FILIP1: variants seen among roughly 807,000 people sequenced by gnomAD.
FILIP1 encodes the protein filamin-A-interacting protein 1.
FILIP1 carries 61 observed loss-of-function variants against 102.1 expected under a neutral mutation model. That is an observed-to-expected ratio of 0.60 (90% CI 0.49 to 0.74). The LOEUF (loss-of-function observed/expected upper bound fraction) is 0.74, where lower values mean the gene tolerates loss of function less well. Among genes scored for constraint, FILIP1 ranks in the 30% least tolerant of loss-of-function variants. The pLI is 0.00. For missense variants in FILIP1, 1,314 were observed against 1,441.2 expected (o/e 0.91, Z 1.43); for synonymous variants, 491 against 526.9 (o/e 0.93, Z 0.93).
At chr6:75,342,043 T>C (rs1774435995) in intron 4 of FILIP1, among the ~76,000 whole-genome samples, 1 of 152,240 alleles carries the variant, frequency 6.6e-6, no homozygotes, top group Non-Finnish European at 1.5e-5. Flanking sequence ...CTCCATTCTA[T>C]TTAAGAGGAA....
At position 75,380,177 on chromosome 6, in the gene FILIP1, T is replaced by C. The variant is rs567533310; in HGVS notation, c.277-17260A>G. Among the ~76,000 whole-genome samples the C allele has an allele frequency of 7.4e-5, 11 of 147,938 alleles. No individual in the cohort carries two copies. The East Asian group carries it at 1.8e-3, about 24-fold the overall frequency. ...CAAAGAAAAAAATAGAGATTCTAAC[T>C]GTAAAAAACAATCATAGCCAATTAA... On this transcript the variant is annotated intron_variant, in intron 2 of 5. Coordinates refer to ENST00000237172, the MANE Select transcript of FILIP1 (RefSeq NM_015687.5).
At chr6:75,361,361 G>A (rs150827216) in intron 3 of FILIP1, among the ~76,000 whole-genome samples, 1 of 152,318 alleles carries the variant, frequency 6.6e-6, no homozygotes, top group Admixed American at 6.5e-5. Context: ...TCCCTTGGTG[G>A]TGAGGGTGGG....
chr6:75,309,287 A>C (rs1293360198), intron 5 of FILIP1, among the ~76,000 whole-genome samples: 2 of 151,854 alleles, frequency 1.3e-5, no homozygotes, highest in Non-Finnish European at 2.9e-5. Context: ...AGATGAAGCC[A>C]CTCGCTTTTC....
chr6:75,307,412 T>C (rs1459737116), downstream of FILIP1, among the ~76,000 whole-genome samples: 1 of 152,136 alleles, frequency 6.6e-6, no homozygotes, highest in Non-Finnish European at 1.5e-5. Flanking sequence ...AATTCAAAAA[T>C]GGAAAACTAA....
At chr6:75,397,165 TA>T (rs965267661) in intron 2 of FILIP1, among the ~76,000 whole-genome samples, 13 of 151,234 alleles carry the variant, frequency 8.6e-5, no homozygotes, top group Non-Finnish European at 1.0e-4. Context: ...TAAAGTATAA[TA>T]AAAAAAAGTA....
chr6:75,402,113 A>T (rs1776679260), intron 2 of FILIP1, among the ~76,000 whole-genome samples: 1 of 152,060 alleles, frequency 6.6e-6, no homozygotes, highest in Non-Finnish European at 1.5e-5. Flanking sequence ...CTTTTTTTAC[A>T]TTTCTCAATA....
rs549810439 is a variant in FILIP1, at chr6:75,443,561, A to T, written c.-6-28583T>A. On this transcript the variant is annotated intron_variant, in intron 1 of 5. Transcript: ENST00000237172. ...GGAATTGTACCTCATTGGAGGTTGC[A>T]AACTGGTGACCCATTGGCCATAACC... 2.0e-5 allele frequency among the ~76,000 whole-genome samples: 3 copies of T among 152,286 alleles called. No individual in the cohort carries two copies. In the South Asian group the frequency reaches 6.2e-4, roughly 32 times the overall value.
chr6:75,321,045 C>T (rs1024509943), intron 4 of FILIP1, among the ~76,000 whole-genome samples: 2 of 152,096 alleles, frequency 1.3e-5, no homozygotes, highest in African/African-American at 4.8e-5. Flanking sequence ...TCCTCCTTCT[C>T]CTCCTCTTCC....
At chr6:75,347,256 C>T (rs190596059) in intron 4 of FILIP1, among the ~76,000 whole-genome samples, 201 of 152,348 alleles carry the variant, frequency 1.3e-3, no homozygotes, top group African/African-American at 4.7e-3. Flanking sequence ...TTTAACTTCT[C>T]TGCTTCATCA....
At chr6:75,459,104 T>C (rs1778936229) in intron 1 of FILIP1, among the ~76,000 whole-genome samples, 3 of 152,178 alleles carry the variant, frequency 2.0e-5, no homozygotes, top group Admixed American at 2.0e-4. Flanking sequence ...ATGGCTCATC[T>C]AAGTAAAGAG....
At position 75,451,003 on chromosome 6, in the gene FILIP1, G is replaced by A. The variant is rs71561426; in HGVS notation, c.-6-36025C>T. On this transcript the variant is annotated intron_variant, in intron 1 of 5. Transcript: ENST00000237172. The stretch of plus-strand genomic sequence containing the variant: ...AATGTAATCAATTTACACTTTGGAG[G>A]AAATATAAGTTCAAATGCTAGTGGA... Among the ~76,000 whole-genome samples, 784 of 152,114 alleles carry A rather than the reference G, an allele frequency of 5.2e-3. 4 individuals carry two copies. The highest frequency in any genetic ancestry group is 0.01 in the Middle Eastern group (3 of 294).
chr6:75,307,101 C>A (rs780059548), downstream of FILIP1, among the ~76,000 whole-genome samples: 7 of 152,316 alleles, frequency 4.6e-5, no homozygotes, highest in Non-Finnish European at 8.8e-5. Context: ...CCATGCCTAG[C>A]TACTCAACAT....
Position 75,353,663 on chromosome 6 carries a change from G to A in FILIP1, c.505C>T (p.Leu169=), listed in dbSNP as rs769792533. 1 of 1,614,134 alleles carries A rather than the reference G, an allele frequency of 6.2e-7. No homozygotes were observed. Among genetic ancestry groups the A allele is most frequent in the Non-Finnish European group, 8.5e-7 (1 of 1,180,036 alleles). ...KETYRRMLEQ[L]LLAEKCHRRT... ...CTATGACACTTCTCGGCCAGCAACAGCTGCTCTAGCATGCGCCGGTAGGTT... is the reference window on the plus strand; with the variant it reads ...CTATGACACTTCTCGGCCAGCAACAACTGCTCTAGCATGCGCCGGTAGGTT... The change falls in exon 4 of 6, where the codon CTG becomes TTG. Residue 169 remains leucine, a synonymous_variant. Coordinates refer to ENST00000237172, the MANE Select transcript of FILIP1 (RefSeq NM_015687.5).
chr6:75,292,481 A>G (rs1772568316), exon 7 of FILIP1: 2 of 152,250 alleles, frequency 1.3e-5, no homozygotes, highest in South Asian at 4.1e-4. Context: ...CACAGTTGTT[A>G]TCACATTAGT....
intron 2 of FILIP1, among the ~76,000 whole-genome samples, chr6:75,403,759 C>A (rs1261576169): frequency 2.0e-5 from 3 of 152,102 alleles, no homozygotes; most frequent in Non-Finnish European, 4.4e-5. Context: ...TTTTTCAGAC[C>A]AGTCTAAGCA....
chr6:75,418,471 C>T (rs1582475181), intron 1 of FILIP1, among the ~76,000 whole-genome samples: 1 of 152,188 alleles, frequency 6.6e-6, no homozygotes, highest in East Asian at 1.9e-4. Context: ...TGAACAGGGA[C>T]AATTACAGAC....
intron 4 of FILIP1, among the ~76,000 whole-genome samples, chr6:75,318,817 G>C (rs1250190498): frequency 6.6e-6 from 1 of 151,778 alleles, no homozygotes; most frequent in Non-Finnish European, 1.5e-5. Context: ...ACTGTCCCAG[G>C]CAAGGTTACT....
intron 1 of FILIP1, among the ~76,000 whole-genome samples, chr6:75,442,536 G>A (rs1001319179): frequency 5.9e-5 from 9 of 152,094 alleles, no homozygotes; most frequent in Non-Finnish European, 8.8e-5. Context: ...CGGATCCCTC[G>A]CGGTTAGGAG....
chr6:75,355,016 C>T (rs995284382), intron 3 of FILIP1, among the ~76,000 whole-genome samples: 2 of 152,072 alleles, frequency 1.3e-5, no homozygotes, highest in Admixed American at 6.5e-5. Context: ...TTGCAGAGGC[C>T]GGGCGCAAAG....
Sources: gnomAD v4.1 joint callset for allele counts (sites outside exome capture counted in the v4.1 genomes callset) on GRCh38, gnomAD v4.1.1 for gene constraint, MANE v1.5 for transcripts, NCBI Gene and HGNC (gene_info 2026-07-23, HGNC 2026-07-21) for gene names.